PHACTR2: variants seen among roughly 807,000 people sequenced by gnomAD.
PHACTR2 encodes the protein chromosome 6 open reading frame 56.
In PHACTR2, 30 loss-of-function variants were observed where a neutral mutation model predicts 76.0. That is an observed-to-expected ratio of 0.39 (90% CI 0.30 to 0.54). The LOEUF (loss-of-function observed/expected upper bound fraction) is 0.54, where lower values mean the gene tolerates loss of function less well. PHACTR2 is among the 20% of genes least tolerant of loss of function. PHACTR2 has a pLI of 0.61. For synonymous variants in PHACTR2, 292 were observed against 292.5 expected (o/e 1.00, Z 0.02); for missense variants, 696 against 781.1 (o/e 0.89, Z 1.30).
In PHACTR2 at chr6:143,561,151, T is replaced by C. The variant is rs1247085965; in HGVS notation, c.217+23944T>C. The C allele has an allele frequency of 6.6e-6, 1 of 152,600 alleles. No homozygotes were observed. The highest frequency in any genetic ancestry group is 1.5e-5 in the Non-Finnish European group (1 of 68,460). The allele number at this position is 152,600 out of a possible 1,614,324, so 9.5% of individuals were successfully genotyped here. On this transcript the variant is annotated intron_variant, in intron 1 of 11. Coordinates refer to the PHACTR2 transcript ENST00000367584. The surrounding 1 kb of genome is among the most constrained non-coding windows in gnomAD (Gnocchi z 4.1). ...AAGCAGGGATTGAAGGAGAGGAAGA[T>C]GCAGTAGGCACTGACCTTCTGACCT...
At chr6:143,699,006 C>T (rs1025025153) in intron 1 of PHACTR2, among the ~76,000 whole-genome samples, 3 of 152,164 alleles carry the variant, frequency 2.0e-5, no homozygotes, top group Non-Finnish European at 4.4e-5. Context: ...GCTGACATTG[C>T]ATCAACTCCC....
intron 1 of PHACTR2, among the ~76,000 whole-genome samples, chr6:143,630,386 T>A (rs1776342999): frequency 6.6e-6 from 1 of 151,896 alleles, no homozygotes; most frequent in Admixed American, 6.6e-5. Flanking sequence ...TTAAATTAAA[T>A]ACAATTGTAG....
intron 1 of PHACTR2, among the ~76,000 whole-genome samples, chr6:143,630,456 G>C (rs2128441863): frequency 6.6e-6 from 1 of 152,058 alleles, no homozygotes. Flanking sequence ...AAACCTCCAT[G>C]CCTTAATTAT....
At chr6:143,699,431 G>A (rs996372216) in intron 1 of PHACTR2, among the ~76,000 whole-genome samples, 12 of 152,152 alleles carry the variant, frequency 7.9e-5, no homozygotes, top group African/African-American at 1.2e-4. Context: ...GGAGTTCAAC[G>A]TTCTTTATTG....
chr6:143,576,664 G>T (rs1775516744), intron 1 of PHACTR2, among the ~76,000 whole-genome samples: 1 of 152,036 alleles, frequency 6.6e-6, no homozygotes, highest in Non-Finnish European at 1.5e-5. Flanking sequence ...ATCACTTGAG[G>T]TCAGGAGTTC....
intron 1 of PHACTR2, among the ~76,000 whole-genome samples, chr6:143,670,691 A>G (rs907560873): frequency 5.9e-5 from 9 of 152,042 alleles, no homozygotes; most frequent in Admixed American, 4.6e-4. Context: ...TTTGAGCTCC[A>G]TCAGGTCATT....
intron 1 of PHACTR2, among the ~76,000 whole-genome samples, chr6:143,649,110 G>A (rs1228473716): frequency 6.6e-6 from 1 of 152,080 alleles, no homozygotes; most frequent in African/African-American, 2.4e-5. Context: ...CATGGCTTCT[G>A]TATGACCTGT....
intron 1 of PHACTR2, among the ~76,000 whole-genome samples, chr6:143,593,337 G>T (rs1290181789): frequency 2.0e-5 from 3 of 151,550 alleles, no homozygotes; most frequent in African/African-American, 7.3e-5. Flanking sequence ...AAACACAGGG[G>T]GTGTCTAACT....
Position 143,741,204 on chromosome 6 carries a change from C to A in PHACTR2, c.215-7781C>A, listed in dbSNP as rs527933095. ...CCAGCCTGGCCAACATGGGGAAACC[C>A]CATCTCTACTAAAAATACAAAAATT... On this transcript the variant is annotated intron_variant, in intron 2 of 12. Coordinates refer to ENST00000440869, the MANE Select transcript of PHACTR2 (RefSeq NM_001100164.2). Among the ~76,000 whole-genome samples the A allele has an allele frequency of 2.7e-5, 4 of 150,210 alleles. No individual in the cohort carries two copies. The South Asian group carries it at 8.4e-4, about 31-fold the overall frequency.
chr6:143,638,620 G>C (rs1776510786), intron 1 of PHACTR2, among the ~76,000 whole-genome samples: 1 of 150,090 alleles, frequency 6.7e-6, no homozygotes, highest in Non-Finnish European at 1.5e-5. Flanking sequence ...CAAGTTTTGA[G>C]CTAATTTTTC....
rs1366077758 is a variant in PHACTR2 at position 143,801,234 on chromosome 6, A to G, written c.1846-5823A>G. 6.6e-6 allele frequency among the ~76,000 whole-genome samples: 1 copy of G among 152,134 alleles called. No individual in the cohort carries two copies. The highest frequency in any genetic ancestry group is 1.5e-5 in the Non-Finnish European group (1 of 68,026). Reference sequence around the variant, plus strand: ...TATTCTCTGTATTTCCTGAATTTGAATGTTGGCCTCTCTTGCTAGGTTGGG... The same window carrying G: ...TATTCTCTGTATTTCCTGAATTTGAGTGTTGGCCTCTCTTGCTAGGTTGGG... On this transcript the variant is annotated intron_variant, in intron 11 of 12. Transcript: ENST00000440869. The surrounding 1 kb of genome is among the most constrained non-coding windows in gnomAD (Gnocchi z 4.6).
rs967255845 is a variant in PHACTR2, at chr6:143,578,341, C to T, written c.217+41134C>T. 6.6e-6 allele frequency among the ~76,000 whole-genome samples: 1 copy of T among 152,150 alleles called. No individual in the cohort carries two copies. Among genetic ancestry groups the T allele is most frequent in the African/African-American group, 2.4e-5 (1 of 41,416 alleles). On this transcript the variant is annotated intron_variant, in intron 1 of 11. Transcript: ENST00000367584. This position sits in a 1 kb window ranked among gnomAD's most constrained non-coding sequence, Gnocchi z 4.5. ...TCTAGTTTGATTCAACTCTTCTTGG[C>T]CCTTAACTTTCCTCAGGGAGGCAGG...
chr6:143,700,471 C>T lies in PHACTR2; in HGVS notation c.47-11545C>T, dbSNP rs1053790628. Among the ~76,000 whole-genome samples, 1 of 152,182 alleles carries T rather than the reference C, an allele frequency of 6.6e-6. No homozygotes were observed. Among genetic ancestry groups the T allele is most frequent in the Non-Finnish European group, 1.5e-5 (1 of 68,032 alleles). On this transcript the variant is annotated intron_variant, in intron 1 of 12. Coordinates refer to ENST00000440869, the MANE Select transcript of PHACTR2 (RefSeq NM_001100164.2). The surrounding 1 kb of genome is among the most constrained non-coding windows in gnomAD (Gnocchi z 4.1). ...TCGGGAGGCTGAGGCAAGAGAATCACTTGGACCCAGGAGCCGGAGGTTGCA... is the reference window on the plus strand; with the variant it reads ...TCGGGAGGCTGAGGCAAGAGAATCATTTGGACCCAGGAGCCGGAGGTTGCA...
At position 143,633,918 on chromosome 6, in the gene PHACTR2, G is replaced by A. The variant is rs553960808; in HGVS notation, c.13+25596G>A. ...ATAGATTTAAGATGAAAGTAAAAAC[G>A]GTCCTCGTTTAGAAGCCAATATTTT... On this transcript the variant is annotated intron_variant, in intron 1 of 11. Coordinates refer to the PHACTR2 transcript ENST00000305766. The surrounding 1 kb of genome is among the most constrained non-coding windows in gnomAD (Gnocchi z 4.1). Among the ~76,000 whole-genome samples, 5 of 152,208 alleles carry A rather than the reference G, an allele frequency of 3.3e-5. 1 individual carries two copies. Among genetic ancestry groups the A allele is most frequent in the Middle Eastern group, 6.8e-3 (2 of 294 alleles).
At chr6:143,725,727 G>A (rs565243538) in intron 2 of PHACTR2, among the ~76,000 whole-genome samples, 1 of 151,906 alleles carries the variant, frequency 6.6e-6, no homozygotes, top group East Asian at 2.0e-4. Flanking sequence ...CTGGGAGGCT[G>A]AGGCAGGACA....
In PHACTR2 at chr6:143,820,052, C is replaced by G. The variant is rs1036962702; in HGVS notation, c.1923-3622C>G. Reference sequence around the variant, plus strand: ...GAAAGAGTGGAGGAGAAGTGCCCCACACTTTTAAACCAGACCTCGTGAGAA... The same window carrying G: ...GAAAGAGTGGAGGAGAAGTGCCCCAGACTTTTAAACCAGACCTCGTGAGAA... On this transcript the variant is annotated intron_variant, in intron 12 of 12. Transcript: ENST00000440869. This position sits in a 1 kb window ranked among gnomAD's most constrained non-coding sequence, Gnocchi z 4.2. 6.6e-6 allele frequency among the ~76,000 whole-genome samples: 1 copy of G among 152,024 alleles called. No homozygotes were observed. Among genetic ancestry groups the G allele is most frequent in the African/African-American group, 2.4e-5 (1 of 41,384 alleles).
rs554083111 is a variant in PHACTR2, at chr6:143,656,876, C to A, written c.13+48554C>A. ...CTGCCAGGTTTCAAATGAACATAGG[C>A]TTGATTGGCCACACGAAAATTTAAA... On this transcript the variant is annotated intron_variant, in intron 1 of 11. Transcript: ENST00000305766. This position sits in a 1 kb window ranked among gnomAD's most constrained non-coding sequence, Gnocchi z 5.3. Among the ~76,000 whole-genome samples, 3 of 152,184 alleles carry A rather than the reference C, an allele frequency of 2.0e-5. No homozygotes were observed. Among genetic ancestry groups the A allele is most frequent in the Non-Finnish European group, 2.9e-5 (2 of 68,022 alleles).
chr6:143,696,154 C>G lies in PHACTR2; in HGVS notation c.47-15862C>G, dbSNP rs968792920. Among the ~76,000 whole-genome samples, 1 of 152,186 alleles carries G rather than the reference C, an allele frequency of 6.6e-6. No homozygotes were observed. The highest frequency in any genetic ancestry group is 2.4e-5 in the African/African-American group (1 of 41,440). On this transcript the variant is annotated intron_variant, in intron 1 of 12. Transcript: ENST00000440869. The surrounding 1 kb of genome is among the most constrained non-coding windows in gnomAD (Gnocchi z 4.1). Reference sequence around the variant, plus strand: ...CCTCTCTCATTCTTGTATATGATGTCAACCTTCTTGCTTAGTTTCTTTCCT... The same window carrying G: ...CCTCTCTCATTCTTGTATATGATGTGAACCTTCTTGCTTAGTTTCTTTCCT...
rs371127962 is a variant in PHACTR2, at chr6:143,787,173, G to C, written c.1708-1600G>C. On this transcript the variant is annotated intron_variant, in intron 10 of 12. Transcript: ENST00000440869. This position sits in a 1 kb window ranked among gnomAD's most constrained non-coding sequence, Gnocchi z 4.6. The stretch of plus-strand genomic sequence containing the variant: ...CCTCCACCATACATAGCTCCATGCC[G>C]TAGGTGCAGGTCAGCCCGTAGCACT... Among the ~76,000 whole-genome samples the C allele has an allele frequency of 2.0e-5, 3 of 152,218 alleles. No homozygotes were observed. Among genetic ancestry groups the C allele is most frequent in the Non-Finnish European group, 4.4e-5 (3 of 68,032 alleles).
Sources: allele counts gnomAD v4.1 joint callset (sites outside exome capture counted in the v4.1 genomes callset), GRCh38; gene constraint gnomAD v4.1.1; non-coding constraint Gnocchi (gnomAD v3.1); transcripts MANE v1.5; gene names NCBI Gene and HGNC (gene_info 2026-07-23, HGNC 2026-07-21).